Variants in IL1RAPL2 observed in about 807,000 individuals in gnomAD.
IL1RAPL2 encodes X-linked interleukin-1 receptor accessory protein-like 2.
A neutral mutation model predicts 44.1 loss-of-function variants in IL1RAPL2; 3 were observed. The observed-to-expected ratio is 0.07, with a 90% CI of 0.03 to 0.18. The LOEUF is 0.18. Among genes scored for constraint, IL1RAPL2 ranks in the 10% least tolerant of loss-of-function variants. The pLI is 1.00. For missense variants in IL1RAPL2, 391 were observed against 496.4 expected (o/e 0.79, Z 2.02); for synonymous variants, 181 against 178.8 (o/e 1.01, Z -0.10).
At chrX:104,930,974 G>A (rs1012836065) in intron 2 of IL1RAPL2, among the ~76,000 whole-genome samples, 1 of 111,063 alleles carries the variant, frequency 9.0e-6, no homozygotes, top group Non-Finnish European at 1.9e-5. Flanking sequence ...TACCAATAAA[G>A]GACTAAAAAC....
In IL1RAPL2 at chrX:105,739,169, C is replaced by T. The variant is rs1032176462; in HGVS notation, c.903-1377C>T. ...CTCTACCACAAAACCTATACTCCTA[C>T]AGATTTTTTCCCTTAATGCCATGAT... On this transcript the variant is annotated intron_variant, in intron 7 of 10. Coordinates refer to ENST00000372582, the MANE Select transcript of IL1RAPL2 (RefSeq NM_017416.2). Among the ~76,000 whole-genome samples the T allele has an allele frequency of 1.4e-3, 153 of 111,108 alleles. 1 individual carries two copies. Among genetic ancestry groups the T allele is most frequent in the Non-Finnish European group, 2.6e-3 (136 of 52,939 alleles).
intron 3 of IL1RAPL2, among the ~76,000 whole-genome samples, chrX:105,230,654 C>A (rs2034061580): frequency 9.0e-6 from 1 of 110,518 alleles, no homozygotes. Flanking sequence ...TTAATACTTA[C>A]AGTGATCTGA....
chrX:105,240,215 C>G (rs1280339726), intron 4 of IL1RAPL2, among the ~76,000 whole-genome samples: 3 of 112,661 alleles, frequency 2.7e-5, no homozygotes, highest in Non-Finnish European at 5.6e-5. Context: ...CCCTGGTTCT[C>G]CATGAGTCCA....
intron 5 of IL1RAPL2, among the ~76,000 whole-genome samples, chrX:105,359,744 C>G (rs2035233895): frequency 2.1e-5 from 2 of 94,274 alleles, no homozygotes; most frequent in Admixed American, 2.6e-4. Flanking sequence ...CAGAAATTAA[C>G]TGTAATTTAA....
intron 4 of IL1RAPL2, among the ~76,000 whole-genome samples, chrX:105,237,107 T>C (rs1213732337): frequency 8.9e-6 from 1 of 111,828 alleles, no homozygotes; most frequent in Non-Finnish European, 1.9e-5. Flanking sequence ...TTGGTTTTTT[T>C]GTCCTTGCAA....
intron 6 of IL1RAPL2, among the ~76,000 whole-genome samples, chrX:105,651,239 G>A (rs1319510232): frequency 9.0e-6 from 1 of 111,438 alleles, no homozygotes; most frequent in African/African-American, 3.3e-5. Context: ...CTTAGTAATG[G>A]TCTTCTAGGA....
chrX:105,168,834 C>A (rs1386011035), intron 2 of IL1RAPL2, among the ~76,000 whole-genome samples: 3 of 110,115 alleles, frequency 2.7e-5, no homozygotes, highest in Non-Finnish European at 5.7e-5. Context: ...TCTACTGATT[C>A]AGATGGTAAT....
At chrX:105,382,738 A>G (rs992298767) in intron 5 of IL1RAPL2, among the ~76,000 whole-genome samples, 1 of 91,123 alleles carries the variant, frequency 1.1e-5, no homozygotes, top group African/African-American at 8.2e-5. Context: ...CAACAATGAT[A>G]GACTGGATTA....
intron 2 of IL1RAPL2, among the ~76,000 whole-genome samples, chrX:105,035,164 G>T (rs1328985433): frequency 8.9e-6 from 1 of 111,745 alleles, no homozygotes; most frequent in Admixed American, 9.5e-5. Flanking sequence ...GACTAGGAAA[G>T]GGAACTCCCT....
intron 5 of IL1RAPL2, among the ~76,000 whole-genome samples, chrX:105,366,200 G>A (rs1270164899): frequency 9.0e-6 from 1 of 111,286 alleles, no homozygotes; most frequent in Admixed American, 9.6e-5. Context: ...GCCCACCTCA[G>A]CCTCCTAAAG....
Position 105,567,829 on chromosome X carries a change from T to C in IL1RAPL2, c.772+83442T>C, listed in dbSNP as rs1271257545. 7.2e-5 allele frequency among the ~76,000 whole-genome samples: 8 copies of C among 110,810 alleles called. No individual in the cohort carries two copies. The Admixed American group carries it at 7.8e-4, about 11-fold the overall frequency. On this transcript the variant is annotated intron_variant, in intron 6 of 10. Transcript: ENST00000372582. ...AATTTCACATGATTTTTTGCAGGAA[T>C]TTTTGCTAAATATGTCTGGCCTGTG...
At chrX:105,757,567 T>C (rs1038724068) in intron 10 of IL1RAPL2, among the ~76,000 whole-genome samples, 3 of 111,719 alleles carry the variant, frequency 2.7e-5, no homozygotes, top group African/African-American at 9.7e-5. Flanking sequence ...GCAGAGATTT[T>C]ATAGTCCATA....
intron 1 of IL1RAPL2, among the ~76,000 whole-genome samples, chrX:104,645,036 C>A (rs747832129): frequency 1.8e-5 from 2 of 111,589 alleles, no homozygotes; most frequent in South Asian, 7.5e-4. Flanking sequence ...TTGAAATATG[C>A]TATTCCCTTG....
intron 5 of IL1RAPL2, among the ~76,000 whole-genome samples, chrX:105,358,686 AC>A (rs1250424315): frequency 0.033 from 841 of 25,554 alleles, 10 homozygotes; most frequent in Middle Eastern, 0.28. Context: ...AAAAAAAAAA[AC>A]ACAACAACAA....
intron 5 of IL1RAPL2, among the ~76,000 whole-genome samples, chrX:105,269,406 A>G (rs1288742285): frequency 9.0e-6 from 1 of 110,540 alleles, no homozygotes; most frequent in African/African-American, 3.3e-5. Flanking sequence ...TAATAAACTA[A>G]TATATAATAT....
chrX:105,465,701 A>G, intron 5 of IL1RAPL2, among the ~76,000 whole-genome samples: 1 of 111,893 alleles, frequency 8.9e-6, no homozygotes, highest in Non-Finnish European at 1.9e-5. Flanking sequence ...TTAAGGACTA[A>G]GAAAATAATA....
intron 6 of IL1RAPL2, among the ~76,000 whole-genome samples, chrX:105,599,551 C>T (rs1205901847): frequency 9.0e-6 from 1 of 110,796 alleles, no homozygotes; most frequent in Non-Finnish European, 1.9e-5. Context: ...ACCTTGGGTG[C>T]ACAATATAGG....
intron 2 of IL1RAPL2, among the ~76,000 whole-genome samples, chrX:104,892,482 C>G (rs1923489999): frequency 9.0e-6 from 1 of 111,434 alleles, no homozygotes; most frequent in Non-Finnish European, 1.9e-5. Context: ...TGTTATTGGT[C>G]TATTCAGGGA....
intron 5 of IL1RAPL2, among the ~76,000 whole-genome samples, chrX:105,414,253 G>A (rs1371027223): frequency 9.1e-6 from 1 of 110,303 alleles, no homozygotes; most frequent in Non-Finnish European, 1.9e-5. Context: ...TCAGCCTCCC[G>A]AGTAGCCGGG....
Sources: allele counts gnomAD v4.1 joint callset (sites outside exome capture counted in the v4.1 genomes callset), GRCh38; gene constraint gnomAD v4.1.1; transcripts MANE v1.5; gene names NCBI Gene and HGNC (gene_info 2026-07-23, HGNC 2026-07-21).